The following ZNF394 variants were observed in gnomAD, a reference collection of about 807,000 sequenced individuals.
ZNF394 encodes zinc finger protein 394.
In ZNF394, 19 loss-of-function variants were observed where a neutral mutation model predicts 21.8. The ratio of observed to expected loss-of-function variants is 0.87; its 90% CI spans 0.61 to 1.28. The LOEUF is 1.28. ZNF394 is among the 50% of genes most tolerant of loss of function. ZNF394 has a pLI of 0.00. For synonymous variants in ZNF394, 294 were observed against 273.3 expected, an observed-to-expected ratio of 1.08 and a Z score of -0.75; for missense variants, 683 against 708.6, an observed-to-expected ratio of 0.96 and a Z score of 0.41.
chr7:99,487,341 G>A lies in ZNF394; in HGVS notation n.84-378C>T, dbSNP rs148718204. The A allele has an allele frequency of 9.7e-5, 157 of 1,614,082 alleles. 1 individual carries two copies. In the African/African-American group the frequency reaches 1.6e-3, roughly 17 times the overall value. ...TTCAATGTGGAGAATGTGGGAAAAC[G>A]TTTAGTTTTAAGAGGAATCTTTTTC... On this transcript the variant is annotated intron_variant and non_coding_transcript_variant, in intron 1 of 1. Coordinates refer to the ZNF394 transcript ENST00000462024.
rs1313818379 is a variant in ZNF394 at position 99,494,329 on chromosome 7, CA to C, written c.885del (p.Val296PhefsTer29). 8 of 1,614,226 alleles carry C rather than the reference CA, an allele frequency of 5.0e-6. No homozygotes were observed. The highest frequency in any genetic ancestry group is 5.1e-6 in the Non-Finnish European group (6 of 1,180,040). ...ELQNSARCSNLVLCQHIPKAE... is the reference protein window; with the variant it reads ...ELQNSARCSNXVLCQHIPKAE... ...GCTTTCGGGATGTGCTGACATAGAA[CA>C]AGGTTGGAACACCTGGCACTGTTCT... On this transcript the variant is annotated frameshift_variant, in exon 3 of 3. Transcript: ENST00000337673. LOFTEE classifies it low-confidence loss of function (END_TRUNC).
At chr7:99,492,875 C>T (rs908227971), downstream of ZNF394, among the ~76,000 whole-genome samples, 1 of 151,910 alleles carries the variant, frequency 6.6e-6, no homozygotes, top group African/African-American at 2.4e-5. Context: ...TCACTTGAGC[C>T]CAGGAGGTTG....
exon 2 of ZNF394, chr7:99,486,783 T>C (rs1399578180): frequency 4.3e-6 from 7 of 1,614,110 alleles, no homozygotes; most frequent in East Asian, 2.2e-5. Context: ...TTTTGGGGCA[T>C]GAGCGAATTC....
Position 99,494,478 on chromosome 7 carries a change from T to G in ZNF394, c.737A>C (p.Gln246Pro). ...TTTCAGGGGCAAGGGGTCTCCGGACTGCTTTTCCACCCTGTCCTCATGGGT... is the reference window on the plus strand; with the variant it reads ...TTTCAGGGGCAAGGGGTCTCCGGACGGCTTTTCCACCCTGTCCTCATGGGT... ...GSTHEDRVEKQSGDPLPLKLE... is the reference protein window; with the variant it reads ...GSTHEDRVEKPSGDPLPLKLE... Residue 246 changes from glutamine to proline, a missense_variant, in exon 3 of 3, where the codon CAG (glutamine) becomes CCG (proline). Coordinates refer to ENST00000337673, the MANE Select transcript of ZNF394 (RefSeq NM_032164.4). 6.2e-7 allele frequency: 1 copy of G among 1,614,086 alleles called. No individual in the cohort carries two copies. Among genetic ancestry groups the G allele is most frequent in the Non-Finnish European group, 8.5e-7 (1 of 1,180,048 alleles).
intron 2 of ZNF394, chr7:99,498,071 G>A (rs1317540469): frequency 1.3e-5 from 2 of 152,120 alleles, no homozygotes; most frequent in Non-Finnish European, 2.9e-5. Flanking sequence ...AATATACAAA[G>A]ATATGCAAGA....
chr7:99,487,487 G>T (rs773185380), intron 1 of ZNF394: 9 of 1,604,926 alleles, frequency 5.6e-6, no homozygotes, highest in Admixed American at 1.7e-5. Context: ...ATATCCACAT[G>T]ATGTTAATTG....
At chr7:99,490,146 CTTT>C (rs943034221), downstream of ZNF394, among the ~76,000 whole-genome samples, 339 of 89,226 alleles carry the variant, frequency 3.8e-3, no homozygotes, top group African/African-American at 0.016. Context: ...AAAACCTCAT[CTTT>C]TTTTTTTTTT....
chr7:99,493,008 C>T (rs1800195217), downstream of ZNF394, among the ~76,000 whole-genome samples: 1 of 152,080 alleles, frequency 6.6e-6, no homozygotes, highest in African/African-American at 2.4e-5. Flanking sequence ...CGTTACATGT[C>T]AGCCTGGCTC....
intron 2 of ZNF394, chr7:99,498,480 G>A (rs914937353): frequency 2.3e-6 from 1 of 428,230 alleles, no homozygotes; most frequent in African/African-American, 2.1e-5. Context: ...TAGACACAGG[G>A]GATGGTCATT....
rs1800458679 is a variant in ZNF394 at position 99,499,785 on chromosome 7, G to T, written c.309C>A (p.Ile103=). 2 of 1,614,048 alleles carry T rather than the reference G, an allele frequency of 1.2e-6. No homozygotes were observed. Among genetic ancestry groups the T allele is most frequent in the Non-Finnish European group, 1.7e-6 (2 of 1,180,048 alleles). ...ACTGCTCCAGCACCAGCAGCTCCAG[G>T]ATCTGCTCCTTGGAGAGCAGCTCGG... ...LRPELLSKEQ[I]LELLVLEQFL... Residue 103 remains isoleucine, a synonymous_variant, in exon 1 of 3, where the codon ATC becomes ATA. Coordinates refer to ENST00000337673, the MANE Select transcript of ZNF394 (RefSeq NM_032164.4).
intron 2 of ZNF394, among the ~76,000 whole-genome samples, chr7:99,497,087 C>CGTGTGT (rs201206255): frequency 0.02 from 1,902 of 94,522 alleles, 32 homozygotes; most frequent in African/African-American, 0.039. Flanking sequence ...TACATACATA[C>CGTGTGT]GTGTGTGTGT....
In ZNF394 at chr7:99,499,652, C is replaced by A; in HGVS notation, c.442G>T (p.Gly148Ter). The A allele has an allele frequency of 6.3e-7, 1 of 1,596,852 alleles. No homozygotes were observed. The highest frequency in any genetic ancestry group is 8.5e-7 in the Non-Finnish European group (1 of 1,174,094). Reference sequence around the variant, plus strand: ...TCGCTTCTCACCTGGGATGAGGTTCCATCGAGCGCTCGCTGCAGAGCCCGC... The same window carrying A: ...TCGCTTCTCACCTGGGATGAGGTTCAATCGAGCGCTCGCTGCAGAGCCCGC... ...VVRALQRALD[G>*]TSSQGMVTFE... Residue 148 changes from glycine to a stop codon, truncating the protein, a stop_gained, in exon 1 of 3, where the codon GGA becomes TGA. Transcript: ENST00000337673. LOFTEE classifies it high-confidence loss of function.
In ZNF394 at chr7:99,494,426, T is replaced by G; in HGVS notation, c.789A>C (p.Gly263=). 1 of 1,614,158 alleles carries G rather than the reference T, an allele frequency of 6.2e-7. No homozygotes were observed. Among genetic ancestry groups the G allele is most frequent in the Non-Finnish European group, 8.5e-7 (1 of 1,180,028 alleles). Residue 263 remains glycine (G), a synonymous_variant, in exon 3 of 3, where the codon GGA becomes GGC. Transcript: ENST00000337673. ...TATTGACATCTGAGATGCTGTTGAG[T>G]CCTTCTGCTTCAGGAGAATTTTCAA... The part of the protein sequence containing the change: ...LKLENSPEAE[G]LNSISDVNKN...
chr7:99,492,172 T>C (rs1025498951), downstream of ZNF394, among the ~76,000 whole-genome samples: 17 of 152,114 alleles, frequency 1.1e-4, no homozygotes, highest in African/African-American at 3.6e-4. Flanking sequence ...AATTAGGTTT[T>C]CTGGAAAGTG....
chr7:99,493,361 A>T lies in ZNF394; in HGVS notation c.*168T>A. Reference sequence around the variant, plus strand: ...AACTTCCGCCTCCTGGGTTCAAGTGATTCTCCTACCTCAGCCTCCCGAATA... The same window carrying T: ...AACTTCCGCCTCCTGGGTTCAAGTGTTTCTCCTACCTCAGCCTCCCGAATA... On this transcript the variant is annotated 3_prime_UTR_variant, in exon 3 of 3. Transcript: ENST00000337673. 1.9e-6 allele frequency: 2 copies of T among 1,027,076 alleles called. No individual in the cohort carries two copies. Among genetic ancestry groups the T allele is most frequent in the South Asian group, 1.9e-5 (1 of 52,368 alleles). 63.6% of individuals were successfully genotyped at this position (1,027,076 alleles called of 1,614,324 possible). A position where few individuals can be genotyped will look rare whatever the true frequency, so the allele number is the denominator to read the frequency against.
chr7:99,486,636 T>C (rs1406180826), exon 2 of ZNF394: 1 of 1,614,114 alleles, frequency 6.2e-7, no homozygotes, highest in Non-Finnish European at 8.5e-7. Flanking sequence ...GCAGGCTTAC[T>C]TTCCCTACTA....
intron 2 of ZNF394, 30 bp from the exon 3 acceptor site, chr7:99,494,661 G>C (rs1484179612): frequency 6.5e-7 from 1 of 1,539,150 alleles, no homozygotes; most frequent in East Asian, 2.3e-5. Flanking sequence ...ATTCCTGCCA[G>C]TGCATCCCTG....
chr7:99,487,078 T>C (rs1800000958), intron 1 of ZNF394: 3 of 1,614,010 alleles, frequency 1.9e-6, no homozygotes, highest in East Asian at 2.2e-5. Flanking sequence ...ATGTAGCAAA[T>C]GTGAAAAAAC....
At chr7:99,489,051 G>A (rs1386557212), downstream of ZNF394, among the ~76,000 whole-genome samples, 4 of 152,012 alleles carry the variant, frequency 2.6e-5, no homozygotes, top group African/African-American at 7.2e-5. Flanking sequence ...TTGGGAGGCT[G>A]AGGCGAGTGG....
Sources: allele counts gnomAD v4.1 joint callset (sites outside exome capture counted in the v4.1 genomes callset), GRCh38; gene constraint gnomAD v4.1.1; transcripts MANE v1.5; gene names NCBI Gene and HGNC (gene_info 2026-07-23, HGNC 2026-07-21).